COG3: variants seen among roughly 807,000 people sequenced by gnomAD.
The protein encoded by COG3 is component of oligomeric golgi complex 3, also known as conserved oligomeric Golgi complex subunit 3.
A neutral mutation model predicts 114.1 loss-of-function variants in COG3; 32 were observed. The ratio of observed to expected loss-of-function variants is 0.28; its 90% confidence interval spans 0.21 to 0.38. COG3 has a LOEUF of 0.38. Ranked by LOEUF, COG3 falls within the 10% of genes least tolerant of loss-of-function variation. COG3 has a pLI of 1.00. For missense variants in COG3, 813 were observed against 973.2 expected (o/e 0.84, Z 2.19); for synonymous variants, 352 against 365.7 (o/e 0.96, Z 0.43).
At chr13:45,465,252 G>A (rs779891760) in intron 1 of COG3, 42 bp downstream of exon 1, 9 of 1,602,610 alleles carry the variant, frequency 5.6e-6, no homozygotes, top group Admixed American at 3.4e-5. Flanking sequence ...GATGGGGCTG[G>A]GATTCTCCTC....
intron 1 of COG3, among the ~76,000 whole-genome samples, chr13:45,466,083 G>A (rs1474339439): frequency 6.6e-6 from 1 of 152,138 alleles, no homozygotes; most frequent in African/African-American, 2.4e-5. Flanking sequence ...TGTCGCCCAG[G>A]CTGGAGTGCA....
intron 5 of COG3, among the ~76,000 whole-genome samples, chr13:45,482,169 G>C (rs1273782464): frequency 1.3e-5 from 2 of 152,020 alleles, no homozygotes; most frequent in Admixed American, 6.5e-5. Flanking sequence ...AGCTTATTAG[G>C]AATAAACTGA....
At chr13:45,465,413 TG>T in intron 1 of COG3, 1 of 872,378 alleles carries the variant, frequency 1.1e-6, no homozygotes, top group Non-Finnish European at 1.7e-6. Context: ...TAATTCTGCC[TG>T]GGGACGGCTG....
At chr13:45,481,134 G>A (rs1886223119) in intron 4 of COG3, 96 bp from the exon 5 acceptor site, 2 of 708,394 alleles carry the variant, frequency 2.8e-6, no homozygotes, top group African/African-American at 1.8e-5. Flanking sequence ...ATAAACCTCT[G>A]TGTCTAATGT....
In COG3 at chr13:45,511,830, G is replaced by C. The variant is rs111696912; in HGVS notation, c.1785G>C (p.Ala595=). The change falls in exon 16 of 23, where the codon GCG becomes GCC. Residue 595 remains alanine (A), a synonymous_variant. Transcript: ENST00000349995. The part of the protein sequence containing the change: ...LSACIQSLLG[A]SESISKNKTQ... ...CCTGCATTCAGTCCTTACTTGGAGCGTCAGAGTCTATCAGCAAAAACAAGG... is the reference window on the plus strand; with the variant it reads ...CCTGCATTCAGTCCTTACTTGGAGCCTCAGAGTCTATCAGCAAAAACAAGG... 9 of 1,613,788 alleles carry C rather than the reference G, an allele frequency of 5.6e-6. No individual in the cohort carries two copies. Among genetic ancestry groups the C allele is most frequent in the African/African-American group, 5.3e-5 (4 of 75,014 alleles).
intron 7 of COG3, among the ~76,000 whole-genome samples, 196 bp from the exon 8 acceptor site, chr13:45,486,297 CGG>C (rs1886644418): frequency 1.7e-5 from 1 of 57,684 alleles, no homozygotes; most frequent in Non-Finnish European, 3.2e-5. Context: ...CATCGGGAGA[CGG>C]GAGACGGGAG....
chr13:45,468,512 A>G (rs1390160416), intron 1 of COG3, among the ~76,000 whole-genome samples: 5 of 152,144 alleles, frequency 3.3e-5, no homozygotes, highest in Non-Finnish European at 7.4e-5. Flanking sequence ...CTCTTCAGTA[A>G]TTTGCTCCAA....
chr13:45,516,384 T>C, intron 17 of COG3, 121 bp downstream of exon 17: 1 of 832,848 alleles, frequency 1.2e-6, no homozygotes, highest in South Asian at 4.0e-5. Context: ...TTGCTAAATA[T>C]GTTATTTGTT....
chr13:45,503,617 G>A (rs982500771), intron 14 of COG3, among the ~76,000 whole-genome samples: 2 of 152,116 alleles, frequency 1.3e-5, no homozygotes, highest in Non-Finnish European at 2.9e-5. Flanking sequence ...TCAGTGTGGG[G>A]TGTGGTGTCT....
At chr13:45,519,791 T>G (rs1490836304) in intron 19 of COG3, among the ~76,000 whole-genome samples, 1 of 152,216 alleles carries the variant, frequency 6.6e-6, no homozygotes, top group Non-Finnish European at 1.5e-5. Flanking sequence ...CTATTGCTGA[T>G]ATTAAGTGAG....
chr13:45,491,587 A>G, intron 10 of COG3, 49 bp downstream of exon 10: 1 of 1,571,936 alleles, frequency 6.4e-7, no homozygotes, highest in Non-Finnish European at 8.7e-7. Context: ...CTCTTGAGTT[A>G]TGTTGATATC....
rs138076981 is a variant in COG3 at position 45,516,684 on chromosome 13, G to A, written c.1930+421G>A. ...AGAGTACTTATCTAAGAATTTGAAA[G>A]CACTGGGTTTTCTTCCTGTCCCATC... On this transcript the variant is annotated intron_variant, in intron 17 of 22. Coordinates refer to ENST00000349995, the MANE Select transcript of COG3 (RefSeq NM_031431.4). Among the ~76,000 whole-genome samples the A allele has an allele frequency of 1.6e-3, 240 of 152,310 alleles. 1 individual carries two copies. Among genetic ancestry groups the A allele is most frequent in the African/African-American group, 5.6e-3 (233 of 41,570 alleles).
chr13:45,477,802 A>AT (rs1204367470), intron 2 of COG3, among the ~76,000 whole-genome samples: 1 of 151,728 alleles, frequency 6.6e-6, no homozygotes, highest in Non-Finnish European at 1.5e-5. Flanking sequence ...AATTTTTTGT[A>AT]TTTTTAGTGG....
intron 12 of COG3, among the ~76,000 whole-genome samples, chr13:45,495,307 C>T (rs1868634323): frequency 6.6e-6 from 1 of 151,716 alleles, no homozygotes; most frequent in African/African-American, 2.4e-5. Context: ...TATGTGTTAT[C>T]TTTAACCCCC....
intron 6 of COG3, 29 bp from the exon 7 acceptor site, chr13:45,483,201 C>G: frequency 6.4e-7 from 1 of 1,550,848 alleles, no homozygotes; most frequent in Non-Finnish European, 8.8e-7. Flanking sequence ...TTCATTTCCA[C>G]TTTGTAAATC....
rs1258150424 is a variant in COG3, at chr13:45,536,197, G to GT, written c.*1472dup. On this transcript the variant is annotated 3_prime_UTR_variant, in exon 23 of 23. Transcript: ENST00000349995. Reference sequence around the variant, plus strand: ...TTAGGAAGATTGTATTTACTTAACTGTTTTTTAAATACATGTTTAATGAAA... The same window carrying GT: ...TTAGGAAGATTGTATTTACTTAACTGTTTTTTTAAATACATGTTTAATGAAA... 2 of 152,076 alleles carry GT rather than the reference G, an allele frequency of 1.3e-5. No individual in the cohort carries two copies. The highest frequency in any genetic ancestry group is 2.9e-5 in the Non-Finnish European group (2 of 67,980). The allele number at this position is 152,076 out of a possible 1,614,324, so 9.4% of individuals were successfully genotyped here.
chr13:45,500,094 G>GTATATATA (rs3083326), intron 13 of COG3, among the ~76,000 whole-genome samples: 2 of 114,840 alleles, frequency 1.7e-5, no homozygotes, highest in African/African-American at 6.9e-5. Flanking sequence ...GTGTGTGTGT[G>GTATATATA]TATATATATA....
chr13:45,491,354 A>G (rs1566251664), intron 9 of COG3, 58 bp from the exon 10 acceptor site: 2 of 1,559,860 alleles, frequency 1.3e-6, no homozygotes, highest in Non-Finnish European at 1.7e-6. Context: ...GGGATTTAAG[A>G]TGAAATTTAG....
intron 20 of COG3, among the ~76,000 whole-genome samples, chr13:45,525,634 G>GTTTTTTTTTTTTT (rs59577529): frequency 0.065 from 3,630 of 56,044 alleles, 346 homozygotes; most frequent in East Asian, 0.094. Flanking sequence ...AGGGCTTTGG[G>GTTTTTTTTTTTTT]TTTTTTTTTT....
Sources: gnomAD v4.1 joint callset for allele counts (sites outside exome capture counted in the v4.1 genomes callset) on GRCh38, gnomAD v4.1.1 for gene constraint, MANE v1.5 for transcripts, NCBI Gene and HGNC (gene_info 2026-07-23, HGNC 2026-07-21) for gene names.